The following FGF8 variants were observed in gnomAD, a reference collection of about 807,000 sequenced individuals.
FGF8 encodes the protein fibroblast growth factor 8, also known as androgen-induced growth factor.
Under a neutral mutation model 29.7 loss-of-function variants are expected in FGF8, and 12 were observed. The observed-to-expected ratio is 0.40, with a 90% confidence interval of 0.26 to 0.65. FGF8 has a LOEUF of 0.65. FGF8 is among the 30% of genes least tolerant of loss of function. The pLI, the probability that FGF8 is intolerant of heterozygous loss-of-function variation, is 0.37. For synonymous variants in FGF8, 157 were observed against 144.4 expected, an observed-to-expected ratio of 1.09 and a Z score of -0.63; for missense variants, 271 against 345.1, an observed-to-expected ratio of 0.79 and a Z score of 1.70.
intron 4 of FGF8, among the ~76,000 whole-genome samples, chr10:101,774,175 C>A (rs532641405): frequency 6.6e-6 from 1 of 152,214 alleles, no homozygotes; most frequent in Non-Finnish European, 1.5e-5. Context: ...AGTAGCTCTC[C>A]GCACTTGCCA....
upstream of FGF8, among the ~76,000 whole-genome samples, chr10:101,778,694 G>C (rs1319537818): frequency 6.6e-6 from 1 of 152,198 alleles, no homozygotes; most frequent in Non-Finnish European, 1.5e-5. Context: ...GTTTCTCTGG[G>C]GGAGAGGAGC....
At chr10:101,776,772 C>A (rs995817336), upstream of FGF8, among the ~76,000 whole-genome samples, 1 of 152,058 alleles carries the variant, frequency 6.6e-6, no homozygotes, top group South Asian at 2.1e-4. Flanking sequence ...CCTTCACTCT[C>A]CCGAGGAGGC....
rs2065038832 is a variant in FGF8 at position 101,772,496 on chromosome 10, C to T, written c.338-927G>A. On this transcript the variant is annotated intron_variant, in intron 4 of 5. Transcript: ENST00000320185. The surrounding 1 kb of genome is among the most constrained non-coding windows in gnomAD (Gnocchi z 4.4). ...CAGCCAACTTGCCACAGAAGCCTGTCCTGTTCACCTCTCTGTGCAATCATC... is the reference window on the plus strand; with the variant it reads ...CAGCCAACTTGCCACAGAAGCCTGTTCTGTTCACCTCTCTGTGCAATCATC... Among the ~76,000 whole-genome samples, 1 of 152,188 alleles carries T rather than the reference C, an allele frequency of 6.6e-6. No individual in the cohort carries two copies. Among genetic ancestry groups the T allele is most frequent in the African/African-American group, 2.4e-5 (1 of 41,444 alleles).
Position 101,775,293 on chromosome 10 carries a change from G to T in FGF8, c.70-77C>A. On this transcript the variant is annotated intron_variant, in intron 2 of 5. Transcript: ENST00000320185. This position sits in a 1 kb window ranked among gnomAD's most constrained non-coding sequence, Gnocchi z 4.6. ...ACATTTATAAAGACAAATTTACGGA[G>T]CAAATGTTGAGAGTGCAGGGAACCT... is the stretch of plus-strand genomic sequence containing the variant. 1 of 1,097,970 alleles carries T rather than the reference G, an allele frequency of 9.1e-7. No homozygotes were observed. The highest frequency in any genetic ancestry group is 1.3e-6 in the Non-Finnish European group (1 of 746,296). 68.0% of individuals were successfully genotyped at this position (1,097,970 alleles called of 1,614,324 possible).
intron 4 of FGF8, among the ~76,000 whole-genome samples, chr10:101,774,248 G>A (rs975345616): frequency 2.0e-5 from 3 of 152,222 alleles, no homozygotes; most frequent in African/African-American, 7.2e-5. Context: ...GGAGCAGGGA[G>A]AGCCCCCTTC....
At chr10:101,778,902 A>C (rs975991028), upstream of FGF8, among the ~76,000 whole-genome samples, 4 of 152,178 alleles carry the variant, frequency 2.6e-5, no homozygotes, top group African/African-American at 9.7e-5. Context: ...CGAATCTGCA[A>C]TCAGAGCTCC....
chr10:101,776,010 GCCGGCGGCGATCACGA>G lies in FGF8; in HGVS notation c.-126_-111del. 1.6e-6 allele frequency: 1 copy of G among 634,840 alleles called. No homozygotes were observed. The highest frequency in any genetic ancestry group is 2.1e-6 in the Non-Finnish European group (1 of 481,104). The allele number at this position is 634,840 out of a possible 1,614,324, so 39.3% of individuals were successfully genotyped here. ...AGCGGAGAGGGTGCGGGTGCGGGAGGCCGGCGGCGATCACGACGCGGCTCCGCGGGTCCCGTGGAAC... is the reference window on the plus strand; with the variant it reads ...AGCGGAGAGGGTGCGGGTGCGGGAGGCGCGGCTCCGCGGGTCCCGTGGAAC... On this transcript the variant is annotated 5_prime_UTR_variant, in exon 1 of 6. Transcript: ENST00000320185.
intron 4 of FGF8, among the ~76,000 whole-genome samples, chr10:101,773,202 G>A (rs757475374): frequency 1.2e-4 from 18 of 152,164 alleles, no homozygotes; most frequent in Non-Finnish European, 2.2e-4. Flanking sequence ...GGAGAGAAGT[G>A]GACATCAGGC....
rs2065034667 is a variant in FGF8 at position 101,772,080 on chromosome 10, T to G, written c.338-511A>C. 6.6e-6 allele frequency among the ~76,000 whole-genome samples: 1 copy of G among 152,196 alleles called. No individual in the cohort carries two copies. Among genetic ancestry groups the G allele is most frequent in the South Asian group, 2.1e-4 (1 of 4,830 alleles). On this transcript the variant is annotated intron_variant, in intron 4 of 5. Coordinates refer to ENST00000320185, the MANE Select transcript of FGF8 (RefSeq NM_033163.5). This position sits in a 1 kb window ranked among gnomAD's most constrained non-coding sequence, Gnocchi z 4.4. ...AAGCATTGTCTCCTGTTTCTGCCAC[T>G]TTGGGTTCTAACTCACAGCTTTGGC...
intron 4 of FGF8, among the ~76,000 whole-genome samples, chr10:101,773,672 C>T (rs563958488): frequency 8.0e-4 from 122 of 152,234 alleles, no homozygotes; most frequent in Non-Finnish European, 1.4e-3. Context: ...AAAAATGCAG[C>T]GAGACATACT....
chr10:101,771,342 T>C lies in FGF8; in HGVS notation c.444+121A>G. On this transcript the variant is annotated intron_variant, in intron 5 of 5. Coordinates refer to ENST00000320185, the MANE Select transcript of FGF8 (RefSeq NM_033163.5). This position sits in a 1 kb window ranked among gnomAD's most constrained non-coding sequence, Gnocchi z 5.3. ...ACCCAATCGTGAGGTAACCCCAAGATGGCCCTGTGGCCTTCTGCCTACCTT... is the reference window on the plus strand; with the variant it reads ...ACCCAATCGTGAGGTAACCCCAAGACGGCCCTGTGGCCTTCTGCCTACCTT... 8.0e-6 allele frequency: 6 copies of C among 750,950 alleles called. No homozygotes were observed. The highest frequency in any genetic ancestry group is 4.3e-5 in the South Asian group (3 of 70,314). 46.5% of individuals were successfully genotyped at this position (750,950 alleles called of 1,614,324 possible).
Position 101,771,712 on chromosome 10 carries a change from T to C in FGF8, c.338-143A>G. ...AGCTCCAGCCCAGCTACTAACATGCTGTGCAACCCAGAGAAAGGGCTTTTC... is the reference window on the plus strand; with the variant it reads ...AGCTCCAGCCCAGCTACTAACATGCCGTGCAACCCAGAGAAAGGGCTTTTC... On this transcript the variant is annotated intron_variant, in intron 4 of 5. Coordinates refer to ENST00000320185, the MANE Select transcript of FGF8 (RefSeq NM_033163.5). The surrounding 1 kb of genome is among the most constrained non-coding windows in gnomAD (Gnocchi z 5.3). 1.4e-6 allele frequency: 1 copy of C among 723,632 alleles called. No homozygotes were observed. The highest frequency in any genetic ancestry group is 1.5e-5 in the South Asian group (1 of 67,624). The allele number at this position is 723,632 out of a possible 1,614,324, so 44.8% of individuals were successfully genotyped here.
Position 101,775,067 on chromosome 10 carries a change from A to ACCATCC in FGF8, c.156+62_156+63insGGATGG. The ACCATCC allele has an allele frequency of 6.6e-7, 1 of 1,507,888 alleles. No homozygotes were observed. The highest frequency in any genetic ancestry group is 9.0e-7 in the Non-Finnish European group (1 of 1,109,260). The allele number at this position is 1,507,888 out of a possible 1,614,324, so 93.4% of individuals were successfully genotyped here. A position where few individuals can be genotyped will look rare whatever the true frequency, so the allele number is the denominator to read the frequency against. ...ATGCCAGCCCAGGCCACCATCCCCC[A>ACCATCC]CCCACGCAAGTCGGGCAGACCCAGC... On this transcript the variant is annotated intron_variant, in intron 3 of 5. Transcript: ENST00000320185. This position sits in a 1 kb window ranked among gnomAD's most constrained non-coding sequence, Gnocchi z 4.6.
chr10:101,770,297 G>A lies in FGF8; in HGVS notation c.*32C>T, dbSNP rs746141308. On this transcript the variant is annotated 3_prime_UTR_variant, in exon 6 of 6. Transcript: ENST00000320185. ...TGCCCTACAGGATGAGCCTCTCTGC[G>A]GTCTGGCATTGTGGGGAGGGCCAGG... The A allele has an allele frequency of 1.7e-5, 27 of 1,559,180 alleles. No homozygotes were observed. Among genetic ancestry groups the A allele is most frequent in the African/African-American group, 2.7e-5 (2 of 74,358 alleles).
In FGF8 at chr10:101,775,208, C is replaced by CAGCGCA; in HGVS notation, c.77_78insTGCGCT (p.Pro26_Gly27insAlaLeu). On this transcript the variant is annotated inframe_insertion, in exon 3 of 6. Coordinates refer to ENST00000320185, the MANE Select transcript of FGF8 (RefSeq NM_033163.5). The surrounding 1 kb of genome is among the most constrained non-coding windows in gnomAD (Gnocchi z 4.6). ...CCCTGCCCAGCGCAGGGCCCCTGCCCGGGCCTTCCTAGAGGAGCAGGGCGC... is the reference window on the plus strand; with the variant it reads ...CCCTGCCCAGCGCAGGGCCCCTGCCCAGCGCAGGGCCTTCCTAGAGGAGCAGGGCGC... 4 of 1,547,414 alleles carry CAGCGCA rather than the reference C, an allele frequency of 2.6e-6. No homozygotes were observed. Among genetic ancestry groups the CAGCGCA allele is most frequent in the Non-Finnish European group, 3.5e-6 (4 of 1,146,422 alleles).
In FGF8 at chr10:101,774,712, C is replaced by T. The variant is rs1374760525; in HGVS notation, c.337+20G>A. 1 of 1,599,048 alleles carries T rather than the reference C, an allele frequency of 6.3e-7. No individual in the cohort carries two copies. Among genetic ancestry groups the T allele is most frequent in the African/African-American group, 1.3e-5 (1 of 74,960 alleles). On this transcript the variant is annotated intron_variant, in intron 4 of 5. Transcript: ENST00000320185. ...GTCCAGGCGCCGCGCATCCCACAAGCTACCTTCAGCGCGCCTTACCGAAGG... is the reference window on the plus strand; with the variant it reads ...GTCCAGGCGCCGCGCATCCCACAAGTTACCTTCAGCGCGCCTTACCGAAGG...
Position 101,770,192 on chromosome 10 carries a change from C to G in FGF8, c.*137G>C, listed in dbSNP as rs2064997871. ...GCAAAAACCCAACAGCAAACAATATCAACAACCGGAACCCAGGGCTCCCCC... is the reference window on the plus strand; with the variant it reads ...GCAAAAACCCAACAGCAAACAATATGAACAACCGGAACCCAGGGCTCCCCC... On this transcript the variant is annotated 3_prime_UTR_variant, in exon 6 of 6. Transcript: ENST00000320185. 6 of 593,678 alleles carry G rather than the reference C, an allele frequency of 1.0e-5. No homozygotes were observed. Among genetic ancestry groups the G allele is most frequent in the Non-Finnish European group, 1.6e-5 (6 of 376,630 alleles). The allele number at this position is 593,678 out of a possible 1,614,324, so 36.8% of individuals were successfully genotyped here.
chr10:101,775,697 A>G lies in FGF8; in HGVS notation c.69+43T>C. The G allele has an allele frequency of 6.5e-7, 1 of 1,538,578 alleles. No individual in the cohort carries two copies. The highest frequency in any genetic ancestry group is 8.7e-7 in the Non-Finnish European group (1 of 1,143,880). The stretch of plus-strand genomic sequence containing the variant: ...GACCGGCGCTGCCCACCCGGGTCTC[A>G]CACCGGCGCGCCCGGCCCCCGCCTC... On this transcript the variant is annotated intron_variant, in intron 2 of 5. Coordinates refer to ENST00000320185, the MANE Select transcript of FGF8 (RefSeq NM_033163.5). The surrounding 1 kb of genome is among the most constrained non-coding windows in gnomAD (Gnocchi z 4.6).
chr10:101,778,246 GACTCTCTGA>G (rs2135007247), upstream of FGF8, among the ~76,000 whole-genome samples: 1 of 152,348 alleles, frequency 6.6e-6, no homozygotes, highest in African/African-American at 2.4e-5. Flanking sequence ...TCCCACCATG[GACTCTCTGA>G]ACATCAGTGA....
Sources: allele counts gnomAD v4.1 joint callset (sites outside exome capture counted in the v4.1 genomes callset), GRCh38; gene constraint gnomAD v4.1.1; non-coding constraint Gnocchi (gnomAD v3.1); transcripts MANE v1.5; gene names NCBI Gene and HGNC (gene_info 2026-07-23, HGNC 2026-07-21).